ZFP1: variants seen among roughly 807,000 people sequenced by gnomAD.
The protein encoded by ZFP1 is ZFP1 zinc finger protein, also known as zinc finger protein 1 homolog.
A neutral mutation model predicts 38.5 loss-of-function variants in ZFP1; 32 were observed. That is an observed-to-expected ratio of 0.83 (90% confidence interval 0.63 to 1.12). The LOEUF (loss-of-function observed/expected upper bound fraction) is 1.12, where lower values mean the gene tolerates loss of function less well. ZFP1 is among the 50% of genes most tolerant of loss of function. The pLI is 0.00. For synonymous variants in ZFP1, 245 were observed against 168.8 expected, an observed-to-expected ratio of 1.45 and a Z score of -3.50; for missense variants, 616 against 480.8, an observed-to-expected ratio of 1.28 and a Z score of -2.63.
At chr16:75,158,548 C>G (rs890290134) in intron 2 of ZFP1, among the ~76,000 whole-genome samples, 2 of 151,062 alleles carry the variant, frequency 1.3e-5, no homozygotes, top group African/African-American at 4.9e-5. Context: ...GAGATCTTGC[C>G]TCCCAAAGGG....
chr16:75,160,242 T>G (rs796585049), intron 2 of ZFP1, among the ~76,000 whole-genome samples: 24 of 152,226 alleles, frequency 1.6e-4, no homozygotes, highest in African/African-American at 5.8e-4. Context: ...GAACAGAAGT[T>G]TATTTTCTTG....
Position 75,171,648 on chromosome 16 carries a change from C to T in ZFP1, c.*1314C>T, listed in dbSNP as rs2038439505. The T allele has an allele frequency of 6.6e-6, 1 of 152,184 alleles. No individual in the cohort carries two copies. Among genetic ancestry groups the T allele is most frequent in the South Asian group, 2.1e-4 (1 of 4,828 alleles). The allele number at this position is 152,184 out of a possible 1,614,324, so 9.4% of individuals were successfully genotyped here. On this transcript the variant is annotated 3_prime_UTR_variant, in exon 4 of 4. Transcript: ENST00000570010. ...AAGTTCAGCCTTTCCCTATCAATCA[C>T]AAATCATGTATTGGAAATTATAAAT...
At chr16:75,142,111 A>T in the ZFP1 span, among the ~76,000 whole-genome samples, 2 of 150,046 alleles carry the variant, frequency 1.3e-5, no homozygotes, top group African/African-American at 4.9e-5. Flanking sequence ...TAATCCCAGC[A>T]CTTTGGGAGG....
At chr16:75,164,417 TTC>T (rs2037949663) in intron 2 of ZFP1, among the ~76,000 whole-genome samples, 1 of 152,250 alleles carries the variant, frequency 6.6e-6, no homozygotes, top group African/African-American at 2.4e-5. Flanking sequence ...CTGCCACAAC[TTC>T]TAAGTTGATG....
rs929060641 is a variant in ZFP1, at chr16:75,170,184, C to G, written c.1074C>G (p.Gly358=). The G allele has an allele frequency of 1.2e-6, 2 of 1,613,994 alleles. No individual in the cohort carries two copies. Among genetic ancestry groups the G allele is most frequent in the African/African-American group, 1.3e-5 (1 of 74,906 alleles). The change falls in exon 4 of 4, where the codon GGC becomes GGG. Residue 358 remains glycine, a synonymous_variant. Transcript: ENST00000570010. ...GEKPYECTEC[G]KTFSQRSTLR... ...AACCCTATGAATGTACTGAGTGCGG[C>G]AAAACTTTCAGCCAGAGGTCAACTC...
chr16:75,166,447 A>C (rs916003157), intron 2 of ZFP1: 34 of 651,560 alleles, frequency 5.2e-5, no homozygotes, highest in Non-Finnish European at 5.1e-5. Context: ...GCTGGTCTCG[A>C]ACTCCCGACC....
chr16:75,143,692 C>A (rs1456932473), upstream of ZFP1, among the ~76,000 whole-genome samples: 3 of 116,424 alleles, frequency 2.6e-5, no homozygotes, highest in East Asian at 8.7e-4. Flanking sequence ...CACTCTATTG[C>A]CCAGGCTCGA....
At chr16:75,125,605 G>C in the ZFP1 span, among the ~76,000 whole-genome samples, 3 of 152,154 alleles carry the variant, frequency 2.0e-5, no homozygotes, top group Non-Finnish European at 4.4e-5. Context: ...TTACAGGCCT[G>C]AGCCACCGTG....
At chr16:75,167,610 CTTT>C (rs982060257) in intron 3 of ZFP1, among the ~76,000 whole-genome samples, 1 of 151,914 alleles carries the variant, frequency 6.6e-6, no homozygotes, top group Admixed American at 6.6e-5. Flanking sequence ...TTGGTAGAAT[CTTT>C]TTTTGAGACA....
intron 2 of ZFP1, among the ~76,000 whole-genome samples, chr16:75,165,174 T>C (rs543706889): frequency 1.2e-4 from 18 of 152,214 alleles, no homozygotes; most frequent in African/African-American, 4.3e-4. Flanking sequence ...CCTGTTTTTG[T>C]GGTATGATGG....
intron 2 of ZFP1, among the ~76,000 whole-genome samples, chr16:75,158,631 A>ATTTT (rs34686066): frequency 3.4e-4 from 48 of 142,200 alleles, no homozygotes; most frequent in African/African-American, 1.1e-3. Flanking sequence ...TTTATTTGTG[A>ATTTT]TTTTTTTTTT....
At chr16:75,136,095 C>A in the ZFP1 span, among the ~76,000 whole-genome samples, 2 of 152,324 alleles carry the variant, frequency 1.3e-5, no homozygotes, top group East Asian at 3.9e-4. Context: ...GGATTATAGG[C>A]ATGAGCCACC....
chr16:75,166,395 G>A (rs114947581), intron 2 of ZFP1, among the ~76,000 whole-genome samples: 4 of 152,032 alleles, frequency 2.6e-5, no homozygotes, highest in South Asian at 2.1e-4. Context: ...CACCATGCCC[G>A]ACTAAATTTT....
At chr16:75,126,173 CAG>C in the ZFP1 span, 1 of 151,836 alleles carries the variant, frequency 6.6e-6, no homozygotes, top group African/African-American at 2.4e-5. Flanking sequence ...TTTTGTGAGA[CAG>C]AGTCTTGCTG....
At position 75,170,475 on chromosome 16, in the gene ZFP1, C is replaced by G; in HGVS notation, c.*141C>G. 1 of 1,229,602 alleles carries G rather than the reference C, an allele frequency of 8.1e-7. No individual in the cohort carries two copies. The highest frequency in any genetic ancestry group is 1.1e-6 in the Non-Finnish European group (1 of 933,780). 76.2% of individuals were successfully genotyped at this position (1,229,602 alleles called of 1,614,324 possible). ...CTCAAAAATGTATTAAAAATAGGAT[C>G]CCATGAGAACATTATACTGGAAGTT... On this transcript the variant is annotated 3_prime_UTR_variant, in exon 4 of 4. Coordinates refer to ENST00000570010, the MANE Select transcript of ZFP1 (RefSeq NM_153688.4).
rs187098989 is a variant in ZFP1, at chr16:75,153,060, C to G, written c.15+94C>G. Reference sequence around the variant, plus strand: ...ATGAAATAGAAAAGTATGAATAAGACACAAAGGAAACATAGCAAGAATAAC... The same window carrying G: ...ATGAAATAGAAAAGTATGAATAAGAGACAAAGGAAACATAGCAAGAATAAC... On this transcript the variant is annotated intron_variant, in intron 2 of 3. Transcript: ENST00000570010. 265 of 1,498,756 alleles carry G rather than the reference C, an allele frequency of 1.8e-4. No homozygotes were observed. In the Middle Eastern group the frequency reaches 2.3e-3, roughly 13 times the overall value. The allele number at this position is 1,498,756 out of a possible 1,614,324, so 92.8% of individuals were successfully genotyped here.
chr16:75,167,019 C>T, intron 3 of ZFP1, 123 bp downstream of exon 3: 1 of 1,490,116 alleles, frequency 6.7e-7, no homozygotes. Flanking sequence ...GGTATTAAAC[C>T]TGAGAGATCT....
chr16:75,126,869 A>G, the ZFP1 span, among the ~76,000 whole-genome samples: 1 of 152,224 alleles, frequency 6.6e-6, no homozygotes, highest in Admixed American at 6.5e-5. Context: ...AAATCCAAAA[A>G]TGACATATTT....
the ZFP1 span, among the ~76,000 whole-genome samples, chr16:75,141,242 G>A: frequency 1.1e-4 from 12 of 111,868 alleles, no homozygotes; most frequent in Admixed American, 2.6e-4. Context: ...TCGCTCTGTC[G>A]CCCAGGCTGG....
Sources: allele counts gnomAD v4.1 joint callset (sites outside exome capture counted in the v4.1 genomes callset), GRCh38; gene constraint gnomAD v4.1.1; transcripts MANE v1.5; gene names NCBI Gene and HGNC (gene_info 2026-07-23, HGNC 2026-07-21).